Variants in CPEB3 observed in about 807,000 individuals in gnomAD.
The protein encoded by CPEB3 is cytoplasmic polyadenylation element-binding protein 3.
A neutral mutation model predicts 67.2 loss-of-function variants in CPEB3; 20 were observed. The observed-to-expected ratio is 0.30, with a 90% CI of 0.21 to 0.43. CPEB3 has a LOEUF of 0.43. Ranked by LOEUF, CPEB3 falls within the 20% of genes least tolerant of loss-of-function variation. CPEB3 has a pLI of 1.00. For missense variants in CPEB3, 746 were observed against 968.6 expected, an observed-to-expected ratio of 0.77 and a Z score of 3.05; for synonymous variants, 376 against 393.1, an observed-to-expected ratio of 0.96 and a Z score of 0.51.
At chr10:92,247,283 C>A (rs1022088888) in intron 1 of CPEB3, among the ~76,000 whole-genome samples, 1 of 151,792 alleles carries the variant, frequency 6.6e-6, no homozygotes, top group Non-Finnish European at 1.5e-5. Context: ...AGTGGCACAA[C>A]CTCAGCTAAC....
intron 7 of CPEB3, among the ~76,000 whole-genome samples, chr10:92,099,422 G>A (rs1430313845): frequency 6.6e-6 from 1 of 151,944 alleles, no homozygotes; most frequent in Non-Finnish European, 1.5e-5. Context: ...AAAGTGCTAG[G>A]ATTATAGGCA....
At chr10:92,192,336 CT>C in intron 3 of CPEB3, 140 bp downstream of exon 3, 3 of 781,696 alleles carry the variant, frequency 3.8e-6, no homozygotes, top group Non-Finnish European at 6.0e-6. Flanking sequence ...AAAAAATCAA[CT>C]TTAAATACAT....
intron 2 of CPEB3, among the ~76,000 whole-genome samples, chr10:92,230,711 G>A (rs927508353): frequency 6.6e-6 from 1 of 152,196 alleles, no homozygotes; most frequent in East Asian, 1.9e-4. Context: ...TAGGTGAAAT[G>A]CAGCATTTGA....
chr10:92,289,732 A>AAAAAAAAAAAAAT lies in CPEB3; in HGVS notation c.-12+1193_-12+1194insATTTTTTTTTTTT. ...CGCGTCTCTACCAAAAAAAAAAAAAAATATATATATATATATATATATATA... is the reference window on the plus strand; with the variant it reads ...CGCGTCTCTACCAAAAAAAAAAAAAAAAAAAAAAAAAATATATATATATATATATATATATATA... On this transcript the variant is annotated intron_variant, in intron 1 of 9. Coordinates refer to ENST00000265997, the MANE Select transcript of CPEB3 (RefSeq NM_014912.5). 1.1e-3 allele frequency among the ~76,000 whole-genome samples: 84 copies of AAAAAAAAAAAAAT among 75,748 alleles called. 3 individuals carry two copies. The highest frequency in any genetic ancestry group is 3.4e-3 in the East Asian group (12 of 3,502). 49.7% of individuals were successfully genotyped at this position (75,748 alleles called of 152,430 possible). A position where few individuals can be genotyped will look rare whatever the true frequency, so the allele number is the denominator to read the frequency against.
intron 6 of CPEB3, chr10:92,137,442 T>A: frequency 1.7e-6 from 2 of 1,188,306 alleles, no homozygotes; most frequent in East Asian, 4.9e-5. Context: ...ACTCAATCTA[T>A]GACATATTCC....
chr10:92,119,183 A>G (rs55801697), intron 6 of CPEB3: 1 of 1,582,598 alleles, frequency 6.3e-7, no homozygotes, highest in Non-Finnish European at 8.7e-7. Context: ...GGTTCCCAGC[A>G]TCATATTCCT....
chr10:92,170,019 T>C (rs1322454001), intron 4 of CPEB3, among the ~76,000 whole-genome samples: 1 of 152,142 alleles, frequency 6.6e-6, no homozygotes, highest in Non-Finnish European at 1.5e-5. Flanking sequence ...ATTCCAGTAA[T>C]CCCAATTCAA....
chr10:92,159,147 C>T (rs908580859), intron 4 of CPEB3, among the ~76,000 whole-genome samples: 13 of 151,868 alleles, frequency 8.6e-5, no homozygotes, highest in African/African-American at 3.1e-4. Flanking sequence ...CCTGTAATCC[C>T]AGCACTTTGA....
At chr10:92,265,757 AAAAG>A (rs1188543771) in intron 1 of CPEB3, among the ~76,000 whole-genome samples, 2 of 151,792 alleles carry the variant, frequency 1.3e-5, no homozygotes, top group East Asian at 3.9e-4. Flanking sequence ...TCAAAAAAAA[AAAAG>A]AAAGAAAGAA....
chr10:92,112,464 A>C (rs1468109027), intron 6 of CPEB3, among the ~76,000 whole-genome samples: 3 of 152,166 alleles, frequency 2.0e-5, no homozygotes, highest in Non-Finnish European at 2.9e-5. Context: ...TCTTGTAAAG[A>C]AACTTATGAA....
rs144426589 is a variant in CPEB3, at chr10:92,148,418, C to T, written c.1223-3333G>A. Among the ~76,000 whole-genome samples the T allele has an allele frequency of 2.3e-3, 356 of 152,306 alleles. 3 individuals carry two copies. In the East Asian group the frequency reaches 0.024, roughly 10 times the overall value. On this transcript the variant is annotated intron_variant, in intron 4 of 9. Transcript: ENST00000265997. ...ATTCTTCAGGTCTCAGCTGAAAAGT[C>T]TTCCTCAGGTTGAACTTTCCTAAGC...
intron 1 of CPEB3, among the ~76,000 whole-genome samples, chr10:92,260,276 C>T (rs895890929): frequency 3.9e-5 from 6 of 152,078 alleles, no homozygotes; most frequent in Non-Finnish European, 8.8e-5. Context: ...TCTGGCTGGG[C>T]GTGGTGGCTC....
At chr10:92,229,825 A>C (rs1414195959) in intron 2 of CPEB3, among the ~76,000 whole-genome samples, 1 of 152,214 alleles carries the variant, frequency 6.6e-6, no homozygotes, top group Non-Finnish European at 1.5e-5. Context: ...CAGGGAGATC[A>C]CCTGAGGTCG....
At chr10:92,271,420 C>T (rs1177778270) in intron 1 of CPEB3, among the ~76,000 whole-genome samples, 1 of 152,166 alleles carries the variant, frequency 6.6e-6, no homozygotes, top group Non-Finnish European at 1.5e-5. Flanking sequence ...TTCAGAATCA[C>T]ACATTCCATT....
At position 92,049,703 on chromosome 10, in the gene CPEB3, C is replaced by T. The variant is rs1169550331; in HGVS notation, c.*2509G>A. 2.0e-5 allele frequency: 3 copies of T among 152,490 alleles called. No individual in the cohort carries two copies. The highest frequency in any genetic ancestry group is 4.4e-5 in the Non-Finnish European group (3 of 68,008). The allele number at this position is 152,490 out of a possible 1,614,324, so 9.4% of individuals were successfully genotyped here. A position where few individuals can be genotyped will look rare whatever the true frequency, so the allele number is the denominator to read the frequency against. ...TTCAGGACAATGTTTTTTGCCTTCA[C>T]TTTAGCTTTATGCTGTACAATCTTC... On this transcript the variant is annotated 3_prime_UTR_variant, in exon 10 of 10. Coordinates refer to ENST00000265997, the MANE Select transcript of CPEB3 (RefSeq NM_014912.5).
intron 6 of CPEB3, 109 bp downstream of exon 6, chr10:92,142,920 T>C (rs978575485): frequency 1.5e-6 from 1 of 684,812 alleles, no homozygotes; most frequent in Non-Finnish European, 2.5e-6. Flanking sequence ...TTTTCCTAAT[T>C]GGGGGAAAAA....
intron 8 of CPEB3, among the ~76,000 whole-genome samples, chr10:92,086,062 T>G (rs1843357856): frequency 6.6e-6 from 1 of 152,200 alleles, no homozygotes. Flanking sequence ...CATGTGAGTC[T>G]GAGATACTGG....
chr10:92,079,928 C>T (rs1711849), intron 9 of CPEB3, among the ~76,000 whole-genome samples: 47,622 of 151,690 alleles, frequency 0.31, 9,240 homozygotes, highest in South Asian at 0.56. Context: ...CGGCCAGGCG[C>T]GGTGGCTCAT....
At chr10:92,068,227 G>A (rs535410958) in intron 9 of CPEB3, among the ~76,000 whole-genome samples, 3 of 152,304 alleles carry the variant, frequency 2.0e-5, no homozygotes, top group African/African-American at 7.2e-5. Flanking sequence ...TGGGCTGACA[G>A]TATCTGGCAC....
Sources: gnomAD v4.1 joint callset for allele counts (sites outside exome capture counted in the v4.1 genomes callset) on GRCh38, gnomAD v4.1.1 for gene constraint, MANE v1.5 for transcripts, NCBI Gene and HGNC (gene_info 2026-07-23, HGNC 2026-07-21) for gene names.